The following KLHDC4 variants were observed in gnomAD, a reference collection of about 807,000 sequenced individuals.
KLHDC4 encodes the protein kelch domain-containing protein 4.
In KLHDC4, 90 loss-of-function variants were observed where a neutral mutation model predicts 62.4. The observed-to-expected ratio is 1.44, with a 90% CI of 1.22 to 1.72. The LOEUF is 1.72. Ranked by LOEUF, KLHDC4 falls within the 40% of genes most tolerant of loss-of-function variation. The pLI, the probability that KLHDC4 is intolerant of heterozygous loss-of-function variation, is 0.00. For missense variants in KLHDC4, 1,025 were observed against 699.7 expected, an observed-to-expected ratio of 1.47 and a Z score of -5.25; for synonymous variants, 386 against 284.4, an observed-to-expected ratio of 1.36 and a Z score of -3.59.
exon 1 of KLHDC4, chr16:87,702,164 G>A (rs113749000): frequency 4.4e-6 from 2 of 456,136 alleles, no homozygotes; most frequent in African/African-American, 4.0e-5. Context: ...GCAGATATGG[G>A]TTCAACGTTG....
intron 7 of KLHDC4, among the ~76,000 whole-genome samples, chr16:87,716,915 G>A (rs916959104): frequency 6.6e-4 from 101 of 152,234 alleles, no homozygotes; most frequent in Admixed American, 2.2e-3. Flanking sequence ...CTGGGCGACA[G>A]AGCGAGACTC....
chr16:87,729,302 G>C (rs1029719437), intron 6 of KLHDC4: 11 of 152,148 alleles, frequency 7.2e-5, no homozygotes, highest in African/African-American at 2.7e-4. Context: ...GGGTGCGACT[G>C]GACTCACCAT....
intron 2 of KLHDC4, among the ~76,000 whole-genome samples, chr16:87,760,287 C>T (rs1304238889): frequency 1.3e-5 from 2 of 149,150 alleles, no homozygotes; most frequent in African/African-American, 2.5e-5. Context: ...CCCAGGAACT[C>T]GAGACCAGCC....
downstream of KLHDC4, among the ~76,000 whole-genome samples, chr16:87,706,272 CGGTG>C (rs2034695480): frequency 2.4e-5 from 1 of 41,268 alleles, no homozygotes; most frequent in Non-Finnish European, 4.5e-5. Context: ...TTGAGGGGGT[CGGTG>C]GCGGGGAGGG....
At chr16:87,729,415 G>A (rs1006686083) in intron 6 of KLHDC4, 9 of 152,238 alleles carry the variant, frequency 5.9e-5, no homozygotes, top group African/African-American at 2.2e-4. Context: ...CGGAGATACA[G>A]ACAGCCACTG....
intron 7 of KLHDC4, among the ~76,000 whole-genome samples, chr16:87,722,676 G>C (rs1368299504): frequency 4.6e-5 from 7 of 152,240 alleles, no homozygotes; most frequent in Non-Finnish European, 7.3e-5. Flanking sequence ...GGACACGCAG[G>C]GGGATGGAAA....
chr16:87,749,477 C>T (rs1324147145), intron 4 of KLHDC4, among the ~76,000 whole-genome samples: 1 of 147,384 alleles, frequency 6.8e-6, no homozygotes, highest in African/African-American at 2.5e-5. Context: ...TCGCTTGAAC[C>T]TGGGAGGTGG....
rs754164503 is a variant in KLHDC4 at position 87,761,937 on chromosome 16, C to T, written c.191+12G>A. 42 of 1,611,746 alleles carry T rather than the reference C, an allele frequency of 2.6e-5. No individual in the cohort carries two copies. The highest frequency in any genetic ancestry group is 1.6e-4 in the Middle Eastern group (1 of 6,076). Reference sequence around the variant, plus strand: ...AAGGAAACATACAATATGAAAAATGCTACTTGCTCACCTTGGTGAGGGTGG... The same window carrying T: ...AAGGAAACATACAATATGAAAAATGTTACTTGCTCACCTTGGTGAGGGTGG... On this transcript the variant is annotated intron_variant, in intron 2 of 11. Transcript: ENST00000270583.
chr16:87,700,818 C>CGG (rs2034109718), exon 1 of KLHDC4: 1 of 99,662 alleles, frequency 1.0e-5, no homozygotes, highest in Non-Finnish European at 1.8e-5. Context: ...GGTTGCAGGG[C>CGG]AGAGGGAGGA....
rs1597462603 is a variant in KLHDC4, at chr16:87,765,911, G to C, written c.-21C>G. The C allele has an allele frequency of 1.0e-5, 16 of 1,549,592 alleles. No homozygotes were observed. The highest frequency in any genetic ancestry group is 1.4e-5 in the Non-Finnish European group (16 of 1,146,014). ...CCCATCTTGCCGGGTCCCAAGCCGCGACGGGACACCAGGAAAGAAAACGGC... is the reference window on the plus strand; with the variant it reads ...CCCATCTTGCCGGGTCCCAAGCCGCCACGGGACACCAGGAAAGAAAACGGC... On this transcript the variant is annotated 5_prime_UTR_variant, in exon 1 of 12. Coordinates refer to ENST00000270583, the MANE Select transcript of KLHDC4 (RefSeq NM_017566.4).
At chr16:87,701,895 G>T (rs759676114) in exon 1 of KLHDC4, 4 of 456,366 alleles carry the variant, frequency 8.8e-6, no homozygotes, top group Middle Eastern at 3.3e-4. Flanking sequence ...GTGGAGGATG[G>T]GGCTCTGCTG....
chr16:87,734,305 C>T (rs1042519782), intron 5 of KLHDC4, among the ~76,000 whole-genome samples: 1 of 152,092 alleles, frequency 6.6e-6, no homozygotes, highest in Non-Finnish European at 1.5e-5. Context: ...CACTGCGCCA[C>T]TGCACTCCAG....
intron 5 of KLHDC4, among the ~76,000 whole-genome samples, chr16:87,744,397 G>A (rs1167438926): frequency 6.2e-5 from 9 of 144,586 alleles, no homozygotes; most frequent in Admixed American, 2.1e-4. Flanking sequence ...CCTGGGCGAC[G>A]AGAATGAGAC....
intron 8 of KLHDC4, among the ~76,000 whole-genome samples, chr16:87,711,918 T>C (rs2035943558): frequency 8.6e-6 from 1 of 116,314 alleles, no homozygotes; most frequent in Non-Finnish European, 1.6e-5. Flanking sequence ...TGAATGCCTG[T>C]GCCAGCCCCC....
At chr16:87,698,592 AG>A (rs2034001104) in exon 1 of KLHDC4, 1 of 152,280 alleles carries the variant, frequency 6.6e-6, no homozygotes, top group African/African-American at 2.4e-5. Context: ...AACCAAGGCG[AG>A]AACGGCCCCT....
chr16:87,743,879 A>T (rs1242733419), intron 5 of KLHDC4, among the ~76,000 whole-genome samples: 1 of 152,264 alleles, frequency 6.6e-6, no homozygotes, highest in East Asian at 1.9e-4. Context: ...ATGGAGACAT[A>T]CACAATGCTC....
chr16:87,723,731 G>A (rs182757095), intron 7 of KLHDC4, among the ~76,000 whole-genome samples: 1 of 152,390 alleles, frequency 6.6e-6, no homozygotes, highest in East Asian at 1.9e-4. Context: ...TATTGCCAAG[G>A]CAGCAGAATG....
At chr16:87,717,443 A>T (rs1407289675) in intron 7 of KLHDC4, among the ~76,000 whole-genome samples, 1 of 152,244 alleles carries the variant, frequency 6.6e-6, no homozygotes, top group Non-Finnish European at 1.5e-5. Flanking sequence ...CAGAGACTTC[A>T]TATTTCCACC....
chr16:87,713,948 C>T (rs551272710), intron 8 of KLHDC4, among the ~76,000 whole-genome samples: 4 of 151,910 alleles, frequency 2.6e-5, no homozygotes, highest in Non-Finnish European at 4.4e-5. Flanking sequence ...AGGCCACGGC[C>T]GTTCTTGGAG....
Sources: gnomAD v4.1 joint callset for allele counts (sites outside exome capture counted in the v4.1 genomes callset) on GRCh38, gnomAD v4.1.1 for gene constraint, MANE v1.5 for transcripts, NCBI Gene and HGNC (gene_info 2026-07-23, HGNC 2026-07-21) for gene names.